NRBP2: variants seen among roughly 807,000 people sequenced by gnomAD.
The protein encoded by NRBP2 is nuclear receptor binding protein 2, also known as nuclear receptor-binding protein 2.
Under a neutral mutation model 74.4 loss-of-function variants are expected in NRBP2, and 47 were observed. That is an observed-to-expected ratio of 0.63 (90% CI 0.50 to 0.81). The LOEUF (loss-of-function observed/expected upper bound fraction) is 0.81, where lower values mean the gene tolerates loss of function less well. NRBP2 is among the 30% of genes least tolerant of loss of function. The probability of loss-of-function intolerance (pLI) is 0.00; values close to 1 mark genes in which losing one functional copy is unlikely to be tolerated. For missense variants in NRBP2, 613 were observed against 690.1 expected (o/e 0.89, Z 1.25); for synonymous variants, 312 against 273.8 (o/e 1.14, Z -1.38).
In NRBP2 at chr8:143,839,654, G is replaced by A. The variant is rs1199194603; in HGVS notation, c.444+82C>T. On this transcript the variant is annotated intron_variant, in intron 4 of 17. Transcript: ENST00000442628. The surrounding 1 kb of genome is among the most constrained non-coding windows in gnomAD (Gnocchi z 5.1). ...CGCCCAGCCCCTGTCCGAGGCCGCC[G>A]GGCACCCCCTCACCATCCCAGTCCC... 2 of 1,517,706 alleles carry A rather than the reference G, an allele frequency of 1.3e-6. No individual in the cohort carries two copies. The highest frequency in any genetic ancestry group is 1.8e-6 in the Non-Finnish European group (2 of 1,136,744). The allele number at this position is 1,517,706 out of a possible 1,614,324, so 94.0% of individuals were successfully genotyped here.
In NRBP2 at chr8:143,839,104, T is replaced by C. The variant is rs1413899714; in HGVS notation, c.605-4A>G. ...CTTCGGAGATCATCTGGAAGTGCTG[T>C]GGGAGGGCGCAGAGCTGAGCGGGCG... On this transcript the variant is annotated splice_polypyrimidine_tract_variant and splice_region_variant and intron_variant, in intron 7 of 17. Transcript: ENST00000442628. The surrounding 1 kb of genome is among the most constrained non-coding windows in gnomAD (Gnocchi z 5.1). The C allele has an allele frequency of 6.6e-7, 1 of 1,521,404 alleles. No homozygotes were observed. Among genetic ancestry groups the C allele is most frequent in the African/African-American group, 1.4e-5 (1 of 72,892 alleles). 94.2% of individuals were successfully genotyped at this position (1,521,404 alleles called of 1,614,324 possible).
downstream of NRBP2, among the ~76,000 whole-genome samples, chr8:143,830,021 T>C (rs2130488357): frequency 6.6e-6 from 1 of 152,296 alleles, no homozygotes; most frequent in Non-Finnish European, 1.5e-5. Context: ...AACTCGGTCA[T>C]CCGAAGAAGC....
rs952195159 is a variant in NRBP2 at position 143,834,438 on chromosome 8, C to T, written c.*1224G>A. The T allele has an allele frequency of 5.9e-5, 9 of 152,204 alleles. No individual in the cohort carries two copies. The highest frequency in any genetic ancestry group is 1.0e-4 in the Non-Finnish European group (7 of 68,028). The allele number at this position is 152,204 out of a possible 1,614,324, so 9.4% of individuals were successfully genotyped here. On this transcript the variant is annotated 3_prime_UTR_variant, in exon 18 of 18. Transcript: ENST00000442628. ...TGAAGGAGCAGGAGACAGAGTCTCCCCTAGAACCTCCAGGAAGGAAGGCAG... is the reference window on the plus strand; with the variant it reads ...TGAAGGAGCAGGAGACAGAGTCTCCTCTAGAACCTCCAGGAAGGAAGGCAG...
At chr8:143,836,877 C>A (rs34303577) in intron 14 of NRBP2, among the ~76,000 whole-genome samples, 162 bp downstream of exon 14, 3 of 151,828 alleles carry the variant, frequency 2.0e-5, no homozygotes, top group Admixed American at 6.5e-5. Context: ...TGTCCTATAA[C>A]CCCCATGACC....
At chr8:143,836,296 C>A (rs1818382628) in intron 14 of NRBP2, 116 bp from the exon 15 acceptor site, 2 of 1,358,854 alleles carry the variant, frequency 1.5e-6, no homozygotes, top group Admixed American at 6.9e-5. Context: ...CTAAGAGGAG[C>A]CCATCTCACT....
chr8:143,835,502 A>C lies in NRBP2; in HGVS notation c.*160T>G. Reference sequence around the variant, plus strand: ...CCCCCAACCCCTCGGCGCCCAAGGCAGGGTCAGCCCCACTCTCAGGAGACG... The same window carrying C: ...CCCCCAACCCCTCGGCGCCCAAGGCCGGGTCAGCCCCACTCTCAGGAGACG... On this transcript the variant is annotated 3_prime_UTR_variant, in exon 18 of 18. Transcript: ENST00000442628. The surrounding 1 kb of genome is among the most constrained non-coding windows in gnomAD (Gnocchi z 4.9). 263 of 586,260 alleles carry C rather than the reference A, an allele frequency of 4.5e-4. No individual in the cohort carries two copies. The highest frequency in any genetic ancestry group is 8.2e-4 in the Middle Eastern group (3 of 3,674). The allele number at this position is 586,260 out of a possible 1,614,324, so 36.3% of individuals were successfully genotyped here.
chr8:143,837,374 G>A lies in NRBP2; in HGVS notation c.1076+33C>T. On this transcript the variant is annotated intron_variant, in intron 12 of 17. Transcript: ENST00000442628. The surrounding 1 kb of genome is among the most constrained non-coding windows in gnomAD (Gnocchi z 4.3). ...GGGAGGTGCGGGGAGGGGAGGTGTG[G>A]GGAGGGGAGGCTTCTGGGTGCTGAC... is the stretch of plus-strand genomic sequence containing the variant. 6.5e-7 allele frequency: 1 copy of A among 1,547,542 alleles called. No individual in the cohort carries two copies. The highest frequency in any genetic ancestry group is 8.8e-7 in the Non-Finnish European group (1 of 1,139,600).
In NRBP2 at chr8:143,837,206, G is replaced by C; in HGVS notation, c.1128-32C>G. 1 of 1,613,892 alleles carries C rather than the reference G, an allele frequency of 6.2e-7. No individual in the cohort carries two copies. The highest frequency in any genetic ancestry group is 8.5e-7 in the Non-Finnish European group (1 of 1,179,970). On this transcript the variant is annotated intron_variant, in intron 13 of 17. Coordinates refer to ENST00000442628, the MANE Select transcript of NRBP2 (RefSeq NM_178564.4). The surrounding 1 kb of genome is among the most constrained non-coding windows in gnomAD (Gnocchi z 4.3). ...ACACAACAGGGTGGCTGGGGGTTCA[G>C]GCCTGACAGCTGCCTGGCCCCCAAC...
rs373643213 is a variant in NRBP2 at position 143,835,791 on chromosome 8, G to T, written c.1437+29C>A. ...GCGGCCTGCCCCGTGCGCCCCCTCC[G>T]CCAGGCCGCGCCGCACCGCCCAGCG... On this transcript the variant is annotated intron_variant, in intron 17 of 17. Coordinates refer to ENST00000442628, the MANE Select transcript of NRBP2 (RefSeq NM_178564.4). The surrounding 1 kb of genome is among the most constrained non-coding windows in gnomAD (Gnocchi z 4.9). 6.3e-7 allele frequency: 1 copy of T among 1,599,936 alleles called. No individual in the cohort carries two copies. The highest frequency in any genetic ancestry group is 8.5e-7 in the Non-Finnish European group (1 of 1,173,690).
rs782557645 is a variant in NRBP2 at position 143,838,740 on chromosome 8, G to A, written c.780C>T (p.Thr260=). 1.9e-6 allele frequency: 3 copies of A among 1,613,358 alleles called. No individual in the cohort carries two copies. In the Admixed American group the frequency reaches 5.0e-5, roughly 27 times the overall value. Residue 260 remains threonine (T), a synonymous_variant, in exon 10 of 18, where the codon ACC becomes ACT. Coordinates refer to ENST00000442628, the MANE Select transcript of NRBP2 (RefSeq NM_178564.4). ...AVLEIQTNGD[T]RVTEEAIARA... is the part of the protein sequence containing the mutation. ...GAGCAATGGCCTCCTCTGTGACCCG[G>A]GTGTCCCCATTGGTCTGGATTTCCA...
chr8:143,830,827 A>G (rs1399217935), downstream of NRBP2, among the ~76,000 whole-genome samples: 3 of 152,272 alleles, frequency 2.0e-5, no homozygotes, highest in African/African-American at 7.2e-5. Flanking sequence ...AGTCAATAAA[A>G]AGGAACTGGG....
downstream of NRBP2, among the ~76,000 whole-genome samples, chr8:143,832,917 G>A (rs558530043): frequency 6.6e-6 from 1 of 152,170 alleles, no homozygotes; most frequent in South Asian, 2.1e-4. Context: ...TCCACCTTAC[G>A]AGAAACACCC....
chr8:143,839,539 C>A lies in NRBP2; in HGVS notation c.455G>T (p.Arg152Leu). 8 of 1,531,872 alleles carry A rather than the reference C, an allele frequency of 5.2e-6. No homozygotes were observed. Among genetic ancestry groups the A allele is most frequent in the African/African-American group, 1.4e-5 (1 of 73,032 alleles). 94.9% of individuals were successfully genotyped at this position (1,531,872 alleles called of 1,614,324 possible). ...CGCAGACAGGATCTGCGTGCACCAGCGCTTCCAGGCCTGGCGGCGGACGCA... is the reference window on the plus strand; with the variant it reads ...CGCAGACAGGATCTGCGTGCACCAGAGCTTCCAGGCCTGGCGGCGGACGCA... ...HKAMNARAWK[R>L]WCTQILSALS... is the part of the protein sequence containing the mutation. Residue 152 changes from arginine to leucine, a missense_variant, in exon 5 of 18, where the codon CGC becomes CTC. Coordinates refer to ENST00000442628, the MANE Select transcript of NRBP2 (RefSeq NM_178564.4). The surrounding 1 kb of genome is among the most constrained non-coding windows in gnomAD (Gnocchi z 5.1).
rs1818267556 is a variant in NRBP2 at position 143,834,309 on chromosome 8, A to G, written c.*1353T>C. ...GGAGGAGGGGGCCAAGAGCCAAGGAATGTAGGCAGCCTCTACAAGCTGGAA... is the reference window on the plus strand; with the variant it reads ...GGAGGAGGGGGCCAAGAGCCAAGGAGTGTAGGCAGCCTCTACAAGCTGGAA... On this transcript the variant is annotated 3_prime_UTR_variant, in exon 18 of 18. Coordinates refer to ENST00000442628, the MANE Select transcript of NRBP2 (RefSeq NM_178564.4). 6.6e-6 allele frequency: 1 copy of G among 152,208 alleles called. No homozygotes were observed. Among genetic ancestry groups the G allele is most frequent in the Non-Finnish European group, 1.5e-5 (1 of 68,034 alleles). The allele number at this position is 152,208 out of a possible 1,614,324, so 9.4% of individuals were successfully genotyped here.
chr8:143,836,088 C>T, intron 15 of NRBP2, 39 bp downstream of exon 15: 2 of 1,591,266 alleles, frequency 1.3e-6, no homozygotes, highest in Middle Eastern at 1.7e-4. Flanking sequence ...ACGCTCCCGC[C>T]TTCCCCACGG....
In NRBP2 at chr8:143,834,701, G is replaced by A. The variant is rs1186785161; in HGVS notation, c.*961C>T. ...GGCCATTTCACTAAGTTTGGAATTG[G>A]AGGAGAGGCAAGCCAAGAATCAAGA... On this transcript the variant is annotated 3_prime_UTR_variant, in exon 18 of 18. Transcript: ENST00000442628. The A allele has an allele frequency of 1.3e-5, 2 of 152,314 alleles. No homozygotes were observed. The highest frequency in any genetic ancestry group is 2.9e-5 in the Non-Finnish European group (2 of 68,106). The allele number at this position is 152,314 out of a possible 1,614,324, so 9.4% of individuals were successfully genotyped here. A position where few individuals can be genotyped will look rare whatever the true frequency, so the allele number is the denominator to read the frequency against.
chr8:143,839,050 G>T lies in NRBP2; in HGVS notation c.655C>A (p.Arg219=), dbSNP rs1250308776. Residue 219 remains arginine, a synonymous_variant, in exon 8 of 18, where the codon CGG becomes AGG. Coordinates refer to ENST00000442628, the MANE Select transcript of NRBP2 (RefSeq NM_178564.4). The surrounding 1 kb of genome is among the most constrained non-coding windows in gnomAD (Gnocchi z 5.1). ...TCTGGGGGGAAGAAGTGCAGGTTCC[G>T]AAGTTCCTCTCGCTCAGCGCGGATG... is the stretch of plus-strand genomic sequence containing the variant. ...SPIRAEREEL[R]NLHFFPPEYG... 6 of 1,539,188 alleles carry T rather than the reference G, an allele frequency of 3.9e-6. No individual in the cohort carries two copies. In the African/African-American group the frequency reaches 6.8e-5, roughly 18 times the overall value.
At chr8:143,836,215 G>A (rs1818375500) in intron 14 of NRBP2, 35 bp from the exon 15 acceptor site, 2 of 1,506,426 alleles carry the variant, frequency 1.3e-6, no homozygotes, top group East Asian at 2.4e-5. Flanking sequence ...CACAAACCCA[G>A]CAGCAAGACC....
downstream of NRBP2, among the ~76,000 whole-genome samples, chr8:143,830,012 A>G (rs1554649663): frequency 6.6e-6 from 1 of 152,064 alleles, no homozygotes; most frequent in Non-Finnish European, 1.5e-5. Flanking sequence ...CGAGACCCCA[A>G]CTCGGTCATC....
Sources: allele counts gnomAD v4.1 joint callset (sites outside exome capture counted in the v4.1 genomes callset), GRCh38; gene constraint gnomAD v4.1.1; non-coding constraint Gnocchi (gnomAD v3.1); transcripts MANE v1.5; gene names NCBI Gene and HGNC (gene_info 2026-07-23, HGNC 2026-07-21).